Variants in PCSK5 observed in about 807,000 individuals in gnomAD.
PCSK5 encodes the protein prohormone convertase 5.
A neutral mutation model predicts 233.2 loss-of-function variants in PCSK5; 129 were observed. That is an observed-to-expected ratio of 0.55 (90% confidence interval 0.48 to 0.64). The LOEUF is 0.64. Among genes scored for constraint, PCSK5 ranks in the 30% least tolerant of loss-of-function variants. The pLI, the probability that PCSK5 is intolerant of heterozygous loss-of-function variation, is 0.00. For synonymous variants in PCSK5, 825 were observed against 879.2 expected (o/e 0.94, Z 1.09); for missense variants, 2,076 against 2,430.1 (o/e 0.85, Z 3.06).
intron 28 of PCSK5, among the ~76,000 whole-genome samples, chr9:76,302,959 C>CTTTTTTTT (rs10552673): frequency 4.6e-5 from 4 of 87,492 alleles, no homozygotes; most frequent in African/African-American, 8.4e-5. Flanking sequence ...CAAAGTGGTT[C>CTTTTTTTT]TTTTTTTTTT....
chr9:75,974,317 C>CTA (rs2131370308), intron 2 of PCSK5, among the ~76,000 whole-genome samples: 1 of 152,292 alleles, frequency 6.6e-6, no homozygotes, highest in Admixed American at 6.5e-5. Flanking sequence ...TTTTTATGTG[C>CTA]TATGACCCGC....
chr9:76,309,511 TG>T (rs1158172489), intron 29 of PCSK5, among the ~76,000 whole-genome samples: 2 of 152,056 alleles, frequency 1.3e-5, no homozygotes, highest in Admixed American at 1.3e-4. Flanking sequence ...CTGGCCAACA[TG>T]GCAAGTCCCC....
intron 18 of PCSK5, 21 bp downstream of exon 18, chr9:76,188,696 G>T: frequency 6.3e-7 from 1 of 1,574,904 alleles, no homozygotes; most frequent in South Asian, 1.1e-5. Flanking sequence ...TAGTTCTTTT[G>T]TTTATTCTCC....
chr9:75,921,580 G>T (rs1012658748), intron 1 of PCSK5, among the ~76,000 whole-genome samples: 1 of 148,478 alleles, frequency 6.7e-6, no homozygotes, highest in African/African-American at 2.6e-5. Flanking sequence ...GTGTGTGTGT[G>T]TATGTGTGTG....
intron 24 of PCSK5, among the ~76,000 whole-genome samples, chr9:76,270,529 A>G (rs750225154): frequency 6.6e-6 from 1 of 152,204 alleles, no homozygotes; most frequent in Non-Finnish European, 1.5e-5. Context: ...AATAGAGGAC[A>G]TTCAAGGCAA....
intron 1 of PCSK5, among the ~76,000 whole-genome samples, chr9:75,923,318 A>G (rs969100145): frequency 4.0e-5 from 6 of 151,890 alleles, no homozygotes; most frequent in Admixed American, 3.3e-4. Flanking sequence ...GCATTCAGGA[A>G]GTGGGAATGT....
chr9:76,217,748 A>T (rs559183343), intron 20 of PCSK5, among the ~76,000 whole-genome samples: 2 of 152,328 alleles, frequency 1.3e-5, no homozygotes, highest in East Asian at 3.9e-4. Context: ...CTACTGTGGA[A>T]CCAGTGAGGT....
At chr9:76,013,747 G>A (rs935242156) in intron 3 of PCSK5, among the ~76,000 whole-genome samples, 3 of 151,990 alleles carry the variant, frequency 2.0e-5, no homozygotes, top group Non-Finnish European at 2.9e-5. Flanking sequence ...ACTGAAAAAC[G>A]GATTGGTTTC....
At chr9:76,321,900 G>A (rs1253613005) in intron 31 of PCSK5, among the ~76,000 whole-genome samples, 4 of 152,140 alleles carry the variant, frequency 2.6e-5, no homozygotes, top group Non-Finnish European at 4.4e-5. Flanking sequence ...CAGCAGATGT[G>A]CAAGTGCTAT....
At chr9:76,254,213 C>T (rs143529070) in intron 24 of PCSK5, among the ~76,000 whole-genome samples, 13 of 152,186 alleles carry the variant, frequency 8.5e-5, no homozygotes, top group African/African-American at 3.1e-4. Flanking sequence ...TTACCATGTG[C>T]CTGCAGAAAA....
chr9:76,313,329 G>A (rs572274454), intron 30 of PCSK5, among the ~76,000 whole-genome samples: 6 of 152,146 alleles, frequency 3.9e-5, no homozygotes, highest in African/African-American at 7.2e-5. Flanking sequence ...TATAATTCAC[G>A]GTTTTTAGTA....
chr9:76,329,772 G>A (rs372434575), intron 33 of PCSK5, among the ~76,000 whole-genome samples: 10 of 152,186 alleles, frequency 6.6e-5, no homozygotes, highest in African/African-American at 9.6e-5. Context: ...GACAGAGGTT[G>A]CAGTGATCCG....
At chr9:76,113,699 C>T (rs1832311171) in intron 9 of PCSK5, among the ~76,000 whole-genome samples, 2 of 152,098 alleles carry the variant, frequency 1.3e-5, no homozygotes, top group Non-Finnish European at 2.9e-5. Flanking sequence ...GAAGGATAGA[C>T]ATAAACATTT....
At chr9:76,178,995 A>G (rs1346905352) in intron 14 of PCSK5, among the ~76,000 whole-genome samples, 2 of 151,756 alleles carry the variant, frequency 1.3e-5, no homozygotes, top group African/African-American at 4.8e-5. Flanking sequence ...TTTTAAATTT[A>G]TATGTCATTT....
chr9:76,046,155 C>CTTTTTTTTTTTTTTTTT (rs1829362984), intron 5 of PCSK5, among the ~76,000 whole-genome samples: 1 of 55,702 alleles, frequency 1.8e-5, no homozygotes, highest in African/African-American at 5.2e-5. Flanking sequence ...ATAATTTTTT[C>CTTTTTTTTTTTTTTTTT]TTTTGTTTTT....
At chr9:76,244,322 T>C (rs555480227) in intron 24 of PCSK5, among the ~76,000 whole-genome samples, 15 of 152,316 alleles carry the variant, frequency 9.8e-5, no homozygotes, top group Middle Eastern at 3.4e-3. Flanking sequence ...TTTTATAATT[T>C]TAAAGAGATA....
chr9:76,105,488 T>C (rs993883295), intron 8 of PCSK5, among the ~76,000 whole-genome samples: 2 of 152,226 alleles, frequency 1.3e-5, no homozygotes, highest in African/African-American at 4.8e-5. Flanking sequence ...AACATTGTAC[T>C]GTACGCATAA....
At chr9:76,205,128 T>C (rs1214751078) in intron 20 of PCSK5, 1 of 518,864 alleles carries the variant, frequency 1.9e-6, no homozygotes, top group Admixed American at 1.9e-5. Flanking sequence ...TAGAAAGATC[T>C]CATTGTCAGG....
chr9:76,046,160 G>GGTTTT (rs1829367688), intron 5 of PCSK5, among the ~76,000 whole-genome samples: 6 of 58,020 alleles, frequency 1.0e-4, no homozygotes, highest in African/African-American at 4.1e-4. Context: ...TTTTTCTTTT[G>GGTTTT]TTTTTTTTTT....
Sources: allele counts gnomAD v4.1 joint callset (sites outside exome capture counted in the v4.1 genomes callset), GRCh38; gene constraint gnomAD v4.1.1; transcripts MANE v1.5; gene names NCBI Gene and HGNC (gene_info 2026-07-23, HGNC 2026-07-21).